LINGO2: variants seen among roughly 807,000 people sequenced by gnomAD.
LINGO2 encodes the protein leucine-rich repeat and immunoglobulin-like domain-containing nogo receptor-interacting protein 2.
Under a neutral mutation model 30.6 loss-of-function variants are expected in LINGO2, and 14 were observed. The ratio of observed to expected loss-of-function variants is 0.46; its 90% CI spans 0.30 to 0.72. The LOEUF (loss-of-function observed/expected upper bound fraction) is 0.72, where lower values mean the gene tolerates loss of function less well. Among genes scored for constraint, LINGO2 ranks in the 30% least tolerant of loss-of-function variants. The probability of loss-of-function intolerance (pLI) is 0.07; values close to 1 mark genes in which losing one functional copy is unlikely to be tolerated. For missense variants in LINGO2, 729 were observed against 751.7 expected, an observed-to-expected ratio of 0.97 and a Z score of 0.35; for synonymous variants, 317 against 288.5, an observed-to-expected ratio of 1.10 and a Z score of -1.00.
At chr9:29,075,405 T>C in the LINGO2 span, among the ~76,000 whole-genome samples, 5 of 152,190 alleles carry the variant, frequency 3.3e-5, no homozygotes, top group African/African-American at 4.8e-5. Flanking sequence ...CAGATGGATA[T>C]ACTGTGATTG....
chr9:28,373,280 A>G (rs1820975677), intron 2 of LINGO2, among the ~76,000 whole-genome samples: 1 of 152,130 alleles, frequency 6.6e-6, no homozygotes, highest in South Asian at 2.1e-4. Flanking sequence ...TGCTATTACA[A>G]TTTCTTCTCA....
intron 4 of LINGO2, among the ~76,000 whole-genome samples, chr9:28,059,140 C>T (rs1034083187): frequency 6.6e-6 from 1 of 152,098 alleles, no homozygotes; most frequent in Non-Finnish European, 1.5e-5. Context: ...TCTAGACTTT[C>T]TGGCTCCTTG....
intron 1 of LINGO2, among the ~76,000 whole-genome samples, chr9:28,611,113 T>C (rs912712277): frequency 1.3e-5 from 2 of 152,168 alleles, no homozygotes; most frequent in African/African-American, 4.8e-5. Flanking sequence ...AAAGGTGTTT[T>C]TGAAGAGAGG....
chr9:28,294,323 A>G (rs928559995), intron 4 of LINGO2, among the ~76,000 whole-genome samples: 1 of 152,196 alleles, frequency 6.6e-6, no homozygotes, highest in Non-Finnish European at 1.5e-5. Flanking sequence ...AGTGACATAG[A>G]ATAATCTCCA....
the LINGO2 span, among the ~76,000 whole-genome samples, chr9:29,139,066 C>T: frequency 3.9e-5 from 6 of 152,168 alleles, no homozygotes; most frequent in Admixed American, 2.0e-4. Flanking sequence ...AAGCCAGCTG[C>T]TATTATGTGA....
chr9:28,628,655 T>C (rs531189657), intron 1 of LINGO2, among the ~76,000 whole-genome samples: 1 of 152,234 alleles, frequency 6.6e-6, no homozygotes, highest in South Asian at 2.1e-4. Flanking sequence ...CAAATGGATG[T>C]GTCAGGGATT....
intron 4 of LINGO2, among the ~76,000 whole-genome samples, chr9:28,040,248 A>G (rs2132975758): frequency 6.6e-6 from 1 of 152,304 alleles, no homozygotes; most frequent in Middle Eastern, 3.4e-3. Context: ...CAGTTGCAGC[A>G]AAGGCAAATT....
the LINGO2 span, among the ~76,000 whole-genome samples, chr9:28,763,634 GA>G: frequency 4.3e-4 from 64 of 149,046 alleles, no homozygotes; most frequent in South Asian, 1.3e-3. Context: ...ACTAAAAAAA[GA>G]AAAAAAAATT....
chr9:28,681,770 TTACTGAG>T, the LINGO2 span, among the ~76,000 whole-genome samples: 17 of 152,070 alleles, frequency 1.1e-4, no homozygotes, highest in Non-Finnish European at 2.1e-4. Flanking sequence ...CTAAGTACTA[TTACTGAG>T]TACTAAGTAC....
the LINGO2 span, among the ~76,000 whole-genome samples, chr9:28,821,618 G>A: frequency 2.0e-5 from 3 of 152,196 alleles, no homozygotes; most frequent in Non-Finnish European, 4.4e-5. Flanking sequence ...CCTGGAGTTA[G>A]AGAACAATAG....
chr9:28,840,336 G>C, the LINGO2 span, among the ~76,000 whole-genome samples: 1 of 152,024 alleles, frequency 6.6e-6, no homozygotes, highest in East Asian at 1.9e-4. Context: ...TGCAGCAGCT[G>C]CTCCAGTTGG....
At chr9:28,654,565 A>G (rs1286886170) in intron 1 of LINGO2, among the ~76,000 whole-genome samples, 1 of 152,056 alleles carries the variant, frequency 6.6e-6, no homozygotes, top group African/African-American at 2.4e-5. Flanking sequence ...GTTTCAGTTT[A>G]TTCATCTTGT....
intron 1 of LINGO2, among the ~76,000 whole-genome samples, chr9:28,548,529 C>A (rs538831681): frequency 1.9e-4 from 29 of 151,620 alleles, no homozygotes; most frequent in African/African-American, 6.8e-4. Context: ...CATGGTGAAA[C>A]CCTGTCTCTA....
At chr9:27,982,171 G>A (rs1171000968) in intron 5 of LINGO2, among the ~76,000 whole-genome samples, 2 of 151,806 alleles carry the variant, frequency 1.3e-5, no homozygotes, top group African/African-American at 2.4e-5. Context: ...TTAGTGAAGA[G>A]TACATTAGAG....
chr9:29,158,171 A>G, the LINGO2 span, among the ~76,000 whole-genome samples: 7 of 150,296 alleles, frequency 4.7e-5, no homozygotes, highest in Non-Finnish European at 8.9e-5. Flanking sequence ...CAAAACCCTG[A>G]CACTACACAA....
At chr9:28,825,297 A>C in the LINGO2 span, among the ~76,000 whole-genome samples, 3 of 152,038 alleles carry the variant, frequency 2.0e-5, no homozygotes, top group South Asian at 4.1e-4. Flanking sequence ...GAAGAAGAAA[A>C]GTCAGAACTA....
the LINGO2 span, among the ~76,000 whole-genome samples, chr9:29,086,483 G>A: frequency 6.6e-6 from 1 of 151,538 alleles, no homozygotes; most frequent in Non-Finnish European, 1.5e-5. Context: ...GTTGGACCTG[G>A]GTAAGGCTTA....
chr9:28,537,656 G>T (rs1821494095), intron 1 of LINGO2, among the ~76,000 whole-genome samples: 1 of 151,922 alleles, frequency 6.6e-6, no homozygotes, highest in African/African-American at 2.4e-5. Flanking sequence ...AAAGTATCCA[G>T]AATTAAACTC....
intron 4 of LINGO2, among the ~76,000 whole-genome samples, chr9:28,270,103 C>T (rs1162555311): frequency 6.6e-6 from 1 of 152,080 alleles, no homozygotes; most frequent in Non-Finnish European, 1.5e-5. Flanking sequence ...CCTGGCACTA[C>T]CCCAGATCAT....
Sources: gnomAD v4.1 joint callset for allele counts (sites outside exome capture counted in the v4.1 genomes callset) on GRCh38, gnomAD v4.1.1 for gene constraint, MANE v1.5 for transcripts, NCBI Gene and HGNC (gene_info 2026-07-23, HGNC 2026-07-21) for gene names.